DLEC1: variants seen among roughly 807,000 people sequenced by gnomAD.
DLEC1 encodes the protein DLEC1 cilia and flagella associated protein, also known as deleted in lung and esophageal cancer protein 1.
Under a neutral mutation model 198.1 loss-of-function variants are expected in DLEC1, and 146 were observed. The ratio of observed to expected loss-of-function variants is 0.74; its 90% CI spans 0.64 to 0.85. DLEC1 has a LOEUF of 0.85. Among genes scored for constraint, DLEC1 ranks in the 40% least tolerant of loss-of-function variants. DLEC1 has a pLI of 0.00. For synonymous variants in DLEC1, 897 were observed against 866.8 expected, an observed-to-expected ratio of 1.03 and a Z score of -0.61; for missense variants, 2,233 against 2,220.0, an observed-to-expected ratio of 1.01 and a Z score of -0.12.
At chr3:38,121,867 G>T in intron 35 of DLEC1, 86 bp downstream of exon 35, 1 of 1,541,344 alleles carries the variant, frequency 6.5e-7, no homozygotes. Context: ...CCTGTGCGCC[G>T]TCCCTGCATG....
chr3:38,096,424 A>T, intron 14 of DLEC1, 145 bp from the exon 15 acceptor site: 1 of 941,930 alleles, frequency 1.1e-6, no homozygotes, highest in Non-Finnish European at 1.6e-6. Context: ...GGCACTGGCT[A>T]ATGCCTTTGA....
Position 38,122,513 on chromosome 3 carries a change from T to C in DLEC1, c.*101T>C, listed in dbSNP as rs1408063285. ...GCACAAAGACACAGACTTGGGGACC[T>C]GGGGACCTCTGGGCAGCTCCTGGAA... On this transcript the variant is annotated 3_prime_UTR_variant, in exon 37 of 37. Coordinates refer to ENST00000308059, the MANE Select transcript of DLEC1 (RefSeq NM_007335.4). 6.8e-6 allele frequency: 11 copies of C among 1,612,154 alleles called. No homozygotes were observed. Among genetic ancestry groups the C allele is most frequent in the Non-Finnish European group, 9.3e-6 (11 of 1,179,572 alleles).
intron 6 of DLEC1, among the ~76,000 whole-genome samples, chr3:38,076,934 A>G (rs1254948641): frequency 6.6e-6 from 1 of 152,046 alleles, no homozygotes; most frequent in Non-Finnish European, 1.5e-5. Flanking sequence ...GTAAGGGGTG[A>G]TATTGTGGGG....
chr3:38,117,379 G>A, intron 31 of DLEC1, 77 bp downstream of exon 31: 1 of 1,602,592 alleles, frequency 6.2e-7, no homozygotes, highest in Non-Finnish European at 8.5e-7. Context: ...GAGCCAGGCA[G>A]GGTTCTCAGA....
Position 38,115,061 on chromosome 3 carries a change from A to C in DLEC1, c.3856+8A>C. 1.2e-6 allele frequency: 2 copies of C among 1,613,814 alleles called. No individual in the cohort carries two copies. The highest frequency in any genetic ancestry group is 8.5e-7 in the Non-Finnish European group (1 of 1,179,850). On this transcript the variant is annotated splice_region_variant and intron_variant, in intron 27 of 36. Coordinates refer to ENST00000308059, the MANE Select transcript of DLEC1 (RefSeq NM_007335.4). ...ATAACTCCAGCCCCTGTGGTAAGAC[A>C]TGCATGAGAGAAGTCAGTGTTCTTG...
At chr3:38,080,583 G>A (rs1034994025) in intron 6 of DLEC1, among the ~76,000 whole-genome samples, 5 of 152,128 alleles carry the variant, frequency 3.3e-5, no homozygotes, top group African/African-American at 4.8e-5. Context: ...CAGCTATTTG[G>A]AACTACTGTC....
At chr3:38,062,023 G>A (rs1241205454) in intron 3 of DLEC1, 146 bp from the exon 4 acceptor site, 18 of 766,848 alleles carry the variant, frequency 2.3e-5, no homozygotes, top group Middle Eastern at 3.4e-4. Context: ...ATATGTTGAA[G>A]AGCAATTATA....
chr3:38,108,598 C>A, intron 21 of DLEC1, 83 bp downstream of exon 21: 1 of 1,090,284 alleles, frequency 9.2e-7, no homozygotes, highest in Non-Finnish European at 1.4e-6. Context: ...GAGGCCCTAG[C>A]TTAGGCCACA....
At position 38,114,385 on chromosome 3, in the gene DLEC1, C is replaced by T. The variant is rs372692977; in HGVS notation, c.3710C>T (p.Ala1237Val). 13 of 1,614,060 alleles carry T rather than the reference C, an allele frequency of 8.1e-6. No individual in the cohort carries two copies. Among genetic ancestry groups the T allele is most frequent in the Middle Eastern group, 1.6e-4 (1 of 6,084 alleles). Residue 1237 changes from alanine to valine, a missense_variant, in exon 26 of 37, where the codon GCG (alanine) becomes GTG (valine). Coordinates refer to ENST00000308059, the MANE Select transcript of DLEC1 (RefSeq NM_007335.4). ...LPEVIPVHMA[A>V]VGCPISSLRT... ...GAAGTCATCCCAGTGCACATGGCAG[C>T]GGTGGGCTGCCCCATCAGCTCCCTG...
At chr3:38,110,501 C>T (rs1699809396) in intron 23 of DLEC1, among the ~76,000 whole-genome samples, 1 of 152,216 alleles carries the variant, frequency 6.6e-6, no homozygotes, top group South Asian at 2.1e-4. Flanking sequence ...ATTGCGGCCC[C>T]TTTTCCTCAG....
At chr3:38,064,007 C>CTTTTTTTTTTTTTTTT (rs71094947) in intron 6 of DLEC1, 88 bp downstream of exon 6, 6 of 451,084 alleles carry the variant, frequency 1.3e-5, no homozygotes, top group East Asian at 4.5e-5. Context: ...TTTTTTTTTT[C>CTTTTTTTTTTTTTTTT]TTTTTTTTTT....
At chr3:38,096,812 G>T in intron 15 of DLEC1, 75 bp downstream of exon 15, 1 of 1,481,236 alleles carries the variant, frequency 6.8e-7, no homozygotes, top group Admixed American at 2.1e-5. Flanking sequence ...GGAGGATATA[G>T]CAGGAGGGGC....
chr3:38,063,338 C>T (rs1259434695), intron 5 of DLEC1, among the ~76,000 whole-genome samples: 1 of 152,074 alleles, frequency 6.6e-6, no homozygotes, highest in African/African-American at 2.4e-5. Context: ...TGGCATGCAC[C>T]TGTGATCCCA....
intron 33 of DLEC1, among the ~76,000 whole-genome samples, chr3:38,118,583 C>T (rs1281061520): frequency 6.6e-6 from 1 of 152,214 alleles, no homozygotes; most frequent in Non-Finnish European, 1.5e-5. Context: ...CCATCAACTT[C>T]CTCTGGTCTC....
intron 26 of DLEC1, 80 bp from the exon 27 acceptor site, chr3:38,114,903 C>A (rs534341770): frequency 1.6e-6 from 2 of 1,269,572 alleles, no homozygotes; most frequent in South Asian, 1.3e-5. Flanking sequence ...CCTGCCTGAG[C>A]CCCCAGTCCC....
rs1446993468 is a variant in DLEC1, at chr3:38,096,466, G to T, written c.2172-103G>T. 18 of 1,366,960 alleles carry T rather than the reference G, an allele frequency of 1.3e-5. 1 individual carries two copies. The highest frequency in any genetic ancestry group is 2.8e-5 in the South Asian group (2 of 71,134). The allele number at this position is 1,366,960 out of a possible 1,614,324, so 84.7% of individuals were successfully genotyped here. On this transcript the variant is annotated intron_variant, in intron 14 of 36. Transcript: ENST00000308059. ...GGGCTCAGGAGCTGTGGGTTAGGCA[G>T]TGTTTTTTTTTTCACAAGGCCAAAC...
intron 6 of DLEC1, among the ~76,000 whole-genome samples, chr3:38,081,853 C>T (rs1315537230): frequency 8.2e-5 from 12 of 146,020 alleles, no homozygotes; most frequent in African/African-American, 2.8e-4. Flanking sequence ...CTGACCCCCC[C>T]ACCTCCCTCC....
chr3:38,053,780 G>C (rs951684856), intron 2 of DLEC1, among the ~76,000 whole-genome samples: 1 of 152,230 alleles, frequency 6.6e-6, no homozygotes, highest in African/African-American at 2.4e-5. Context: ...AAAAGATAGA[G>C]AAATCAGATT....
Position 38,111,790 on chromosome 3 carries a change from C to T in DLEC1, c.3514+43C>T, listed in dbSNP as rs1186421303. On this transcript the variant is annotated intron_variant, in intron 24 of 36. Transcript: ENST00000308059. ...GGGGCTTCGGGGCCCAGGCCACGGC[C>T]AGAGCCACAGCCTTCTGTGGATGTG... 1.9e-6 allele frequency: 3 copies of T among 1,591,314 alleles called. No individual in the cohort carries two copies. In the African/African-American group the frequency reaches 4.0e-5, roughly 21 times the overall value.
Sources: allele counts gnomAD v4.1 joint callset (sites outside exome capture counted in the v4.1 genomes callset), GRCh38; gene constraint gnomAD v4.1.1; transcripts MANE v1.5; gene names NCBI Gene and HGNC (gene_info 2026-07-23, HGNC 2026-07-21).